LSM12: variants seen among roughly 807,000 people sequenced by gnomAD.
The protein encoded by LSM12 is protein LSM12.
For missense variants in LSM12, 108 were observed against 238.9 expected, an observed-to-expected ratio of 0.45 and a Z score of 3.61; for synonymous variants, 74 against 87.3, an observed-to-expected ratio of 0.85 and a Z score of 0.85.
intron 2 of LSM12, among the ~76,000 whole-genome samples, chr17:44,061,889 C>T (rs977059050): frequency 3.9e-5 from 6 of 152,268 alleles, no homozygotes; most frequent in African/African-American, 1.4e-4. Context: ...TGGTCCCCAT[C>T]CCTGCAGAAT....
chr17:44,065,125 C>T (rs2144119332), intron 1 of LSM12, among the ~76,000 whole-genome samples: 1 of 151,096 alleles, frequency 6.6e-6, no homozygotes, highest in East Asian at 2.0e-4. Flanking sequence ...AAGAGTGAAA[C>T]TCCGTCTCAA....
Position 44,063,877 on chromosome 17 carries a change from T to A in LSM12, c.182A>T (p.Gln61Leu), listed in dbSNP as rs1420196774. Reference sequence around the variant, plus strand: ...AATTATTTCCACTTCTGAAACATACTGTAAGTTTATGAGCAAGATGTCTGC... The same window carrying A: ...AATTATTTCCACTTCTGAAACATACAGTAAGTTTATGAGCAAGATGTCTGC... ...NHADILLINL[Q>L]YVSEVEIIND... The change falls in exon 2 of 5, where the codon CAG becomes CTG. Residue 61 changes from glutamine to leucine, a missense_variant. By Grantham distance (113) the Gln-to-Leu change is moderately radical. Transcript: ENST00000293406. 1 of 1,613,760 alleles carries A rather than the reference T, an allele frequency of 6.2e-7. No homozygotes were observed. Among genetic ancestry groups the A allele is most frequent in the African/African-American group, 1.3e-5 (1 of 74,840 alleles).
chr17:44,049,248 G>A (rs529028445), intron 2 of LSM12, among the ~76,000 whole-genome samples: 118 of 152,184 alleles, frequency 7.8e-4, no homozygotes, highest in Non-Finnish European at 1.0e-3. Flanking sequence ...TTCTAATCAT[G>A]CCTGATGCTG....
intron 2 of LSM12, among the ~76,000 whole-genome samples, chr17:44,046,525 G>A (rs1448526389): frequency 6.6e-6 from 1 of 150,586 alleles, no homozygotes; most frequent in Non-Finnish European, 1.5e-5. Flanking sequence ...GGCTAACACG[G>A]TGAAACCCCG....
At chr17:44,058,975 G>T (rs2049758871) in intron 2 of LSM12, among the ~76,000 whole-genome samples, 1 of 152,290 alleles carries the variant, frequency 6.6e-6, no homozygotes, top group East Asian at 1.9e-4. Flanking sequence ...TTGCACTCCA[G>T]CCTGGGCACA....
rs1486622512 is a variant in LSM12 at position 44,063,822 on chromosome 17, T to C, written c.237A>G (p.Leu79=). The C allele has an allele frequency of 1.2e-6, 2 of 1,613,618 alleles. No individual in the cohort carries two copies. The highest frequency in any genetic ancestry group is 2.2e-5 in the East Asian group (1 of 44,894). ...TTACCTTACTAACATTGAGTGAAGC[T>C]AGGGGAGGAGGGGTTTCTGTTCGGT... ...INDRTETPPP[L]ASLNVSKLAS... Residue 79 remains leucine (L), a synonymous_variant, in exon 2 of 5, where the codon CTA becomes CTG. Coordinates refer to ENST00000293406, the MANE Select transcript of LSM12 (RefSeq NM_001371445.1).
At chr17:44,045,267 C>G (rs762951721) in intron 2 of LSM12, among the ~76,000 whole-genome samples, 11 of 152,088 alleles carry the variant, frequency 7.2e-5, no homozygotes, top group Non-Finnish European at 1.6e-4. Context: ...ACCTCGTGAT[C>G]TGCCCGCCTC....
At chr17:44,066,369 C>T (rs2049877340) in intron 1 of LSM12, 95 bp downstream of exon 1, 1 of 1,461,554 alleles carries the variant, frequency 6.8e-7, no homozygotes, top group African/African-American at 1.5e-5. Context: ...GCCCCTAGGC[C>T]CGGAGAGAGC....
In LSM12 at chr17:44,046,742, G is replaced by C. The variant is rs1004572103; in HGVS notation, c.259-6486C>G. Reference sequence around the variant, plus strand: ...AAAAAAAAAAAGGAACTGTCAAACTGTTTTCTTTTTTTTTTTCTTTTTTTT... The same window carrying C: ...AAAAAAAAAAAGGAACTGTCAAACTCTTTTCTTTTTTTTTTTCTTTTTTTT... On this transcript the variant is annotated intron_variant, in intron 2 of 4. Transcript: ENST00000293406. Among the ~76,000 whole-genome samples the C allele has an allele frequency of 5.4e-5, 7 of 130,008 alleles. No homozygotes were observed. In the South Asian group the frequency reaches 1.5e-3, roughly 27 times the overall value. 85.3% of individuals were successfully genotyped at this position (130,008 alleles called of 152,430 possible).
chr17:44,055,814 C>A lies in LSM12; in HGVS notation c.258+7987G>T, dbSNP rs1389974914. 2.0e-5 allele frequency among the ~76,000 whole-genome samples: 3 copies of A among 149,494 alleles called. No homozygotes were observed. The South Asian group carries it at 6.3e-4, about 31-fold the overall frequency. ...AATAGGCTATGTCCACAAACATAGG[C>A]CACAATGCAATAATTATCATATCAA... On this transcript the variant is annotated intron_variant, in intron 2 of 4. Transcript: ENST00000293406.
chr17:44,065,334 C>T (rs979957570), intron 1 of LSM12, among the ~76,000 whole-genome samples: 9 of 148,834 alleles, frequency 6.0e-5, no homozygotes, highest in African/African-American at 2.2e-4. Context: ...CCAGCTACTC[C>T]GGAGGCTGAG....
chr17:44,057,653 C>T lies in LSM12; in HGVS notation c.258+6148G>A, dbSNP rs529004690. Among the ~76,000 whole-genome samples, 6 of 150,964 alleles carry T rather than the reference C, an allele frequency of 4.0e-5. 1 individual carries two copies. Among genetic ancestry groups the T allele is most frequent in the African/African-American group, 7.3e-5 (3 of 41,194 alleles). ...CAGATGCCTGGAATCCCAGCTACTC[C>T]GGAGGCTGAGGTAGAGAACTGCTTG... On this transcript the variant is annotated intron_variant, in intron 2 of 4. Transcript: ENST00000293406.
chr17:44,041,661 TC>T (rs978936585), intron 2 of LSM12, among the ~76,000 whole-genome samples: 1 of 152,080 alleles, frequency 6.6e-6, no homozygotes, highest in Non-Finnish European at 1.5e-5. Flanking sequence ...CAAAAGAAAA[TC>T]TAGTAAAATC....
intron 2 of LSM12, among the ~76,000 whole-genome samples, chr17:44,054,424 C>T (rs1054429680): frequency 6.6e-6 from 1 of 152,032 alleles, no homozygotes; most frequent in African/African-American, 2.4e-5. Flanking sequence ...GTGATCCTCC[C>T]ATCTCAGTCT....
Position 44,037,435 on chromosome 17 carries a change from C to A in LSM12, c.472G>T (p.Ala158Ser), listed in dbSNP as rs1264253751. ...VENCKGKEGSALSHVRKIVEK... is the reference protein window; with the variant it reads ...VENCKGKEGSSLSHVRKIVEK... ...ACTATTTTGCGTACATGGCTCAGTG[C>A]ACTCCCCTCTTTGCCTTTACAGTTT... Residue 158 changes from alanine to serine, a missense_variant, in exon 4 of 5, where the codon GCA becomes TCA. Physicochemically the swap from Ala to Ser is moderately conservative, Grantham distance 99. Transcript: ENST00000293406. 2 of 1,607,286 alleles carry A rather than the reference C, an allele frequency of 1.2e-6. No homozygotes were observed. The highest frequency in any genetic ancestry group is 1.7e-6 in the Non-Finnish European group (2 of 1,177,454).
At chr17:44,037,272 G>A (rs1007128159) in intron 4 of LSM12, 140 bp downstream of exon 4, 21 of 1,040,414 alleles carry the variant, frequency 2.0e-5, no homozygotes, top group Non-Finnish European at 2.7e-5. Context: ...CCACAGTACA[G>A]GGAAGGCAGG....
Position 44,065,693 on chromosome 17 carries a change from C to A in LSM12, c.124+771G>T, listed in dbSNP as rs1357043840. Among the ~76,000 whole-genome samples the A allele has an allele frequency of 2.0e-5, 3 of 152,096 alleles. No homozygotes were observed. The East Asian group carries it at 5.8e-4, about 29-fold the overall frequency. On this transcript the variant is annotated intron_variant, in intron 1 of 4. Coordinates refer to ENST00000293406, the MANE Select transcript of LSM12 (RefSeq NM_001371445.1). Reference sequence around the variant, plus strand: ...AGGCTGCTACTACGTAAAAGGACTCCATGTGCTGGACTGATCAAGGCAGCA... The same window carrying A: ...AGGCTGCTACTACGTAAAAGGACTCAATGTGCTGGACTGATCAAGGCAGCA...
rs1384141748 is a variant in LSM12, at chr17:44,055,723, AAATAT to A, written c.258+8073_258+8077del. ...ATATATAATATATAAAATATATATA[AAATAT>A]ATTATATATATAATATATGTGTATA... On this transcript the variant is annotated intron_variant, in intron 2 of 4. Transcript: ENST00000293406. 9.0e-5 allele frequency among the ~76,000 whole-genome samples: 13 copies of A among 143,888 alleles called. No homozygotes were observed. In the South Asian group the frequency reaches 2.8e-3, roughly 31 times the overall value. 94.4% of individuals were successfully genotyped at this position (143,888 alleles called of 152,430 possible).
rs1216218885 is a variant in LSM12, at chr17:44,058,824, G to C, written c.258+4977C>G. Among the ~76,000 whole-genome samples the C allele has an allele frequency of 2.6e-5, 4 of 151,856 alleles. 1 individual carries two copies. Among genetic ancestry groups the C allele is most frequent in the Non-Finnish European group, 5.9e-5 (4 of 67,964 alleles). The stretch of plus-strand genomic sequence containing the variant: ...CACTCCAGCCTGGGCAACAGGGCAA[G>C]ACTCCATCTCAAAAAAGAAAGAAAA... On this transcript the variant is annotated intron_variant, in intron 2 of 4. Coordinates refer to ENST00000293406, the MANE Select transcript of LSM12 (RefSeq NM_001371445.1).
Sources: allele counts gnomAD v4.1 joint callset (sites outside exome capture counted in the v4.1 genomes callset), GRCh38; gene constraint gnomAD v4.1.1; transcripts MANE v1.5; gene names NCBI Gene and HGNC (gene_info 2026-07-23, HGNC 2026-07-21).